ADGRG5: variants seen among roughly 807,000 people sequenced by gnomAD.
ADGRG5 encodes the protein G protein-coupled receptor 114.
A neutral mutation model predicts 53.2 loss-of-function variants in ADGRG5; 37 were observed. The observed-to-expected ratio is 0.70, with a 90% CI of 0.53 to 0.91. The LOEUF (loss-of-function observed/expected upper bound fraction) is 0.91. Ranked by LOEUF, ADGRG5 falls within the 40% of genes least tolerant of loss-of-function variation. The pLI is 0.00. For missense variants in ADGRG5, 614 were observed against 675.8 expected (o/e 0.91, Z 1.01); for synonymous variants, 277 against 290.4 (o/e 0.95, Z 0.47).
At chr16:57,562,910 AGG>A (rs1405276343) in intron 3 of ADGRG5, among the ~76,000 whole-genome samples, 179 bp from the exon 4 acceptor site, 1 of 152,006 alleles carries the variant, frequency 6.6e-6, no homozygotes, top group Non-Finnish European at 1.5e-5. Context: ...AATCAAGAGG[AGG>A]GGATAGATGG....
the ADGRG5 span, among the ~76,000 whole-genome samples, chr16:57,536,245 A>G: frequency 7.0e-6 from 1 of 143,016 alleles, no homozygotes; most frequent in South Asian, 2.5e-4. Context: ...GGCATTCCGG[A>G]GGCGCCTCCC....
At chr16:57,550,565 A>G (rs1304562798) in intron 1 of ADGRG5, among the ~76,000 whole-genome samples, 1 of 152,166 alleles carries the variant, frequency 6.6e-6, no homozygotes, top group African/African-American at 2.4e-5. Context: ...TGTTGTTTCT[A>G]AGAAATCTTT....
At chr16:57,532,920 C>T in the ADGRG5 span, among the ~76,000 whole-genome samples, 2 of 152,226 alleles carry the variant, frequency 1.3e-5, no homozygotes, top group Non-Finnish European at 2.9e-5. Context: ...GCCCTTCTTG[C>T]AGCCGCTGAA....
chr16:57,557,778 A>G (rs755667883), intron 1 of ADGRG5, among the ~76,000 whole-genome samples: 1 of 152,238 alleles, frequency 6.6e-6, no homozygotes, highest in Non-Finnish European at 1.5e-5. Context: ...GGAATTCTTC[A>G]TCACTGATAT....
At chr16:57,536,140 C>T in the ADGRG5 span, among the ~76,000 whole-genome samples, 1 of 152,160 alleles carries the variant, frequency 6.6e-6, no homozygotes, top group Non-Finnish European at 1.5e-5. Flanking sequence ...GCCGCCCGTC[C>T]ATCCCGCATT....
chr16:57,574,803 C>G lies in ADGRG5; in HGVS notation c.1209-12C>G. The G allele has an allele frequency of 1.3e-6, 2 of 1,553,832 alleles. No individual in the cohort carries two copies. Among genetic ancestry groups the G allele is most frequent in the Non-Finnish European group, 1.7e-6 (2 of 1,147,636 alleles). On this transcript the variant is annotated splice_polypyrimidine_tract_variant and intron_variant, in intron 10 of 11. Transcript: ENST00000349457. This position sits in a 1 kb window ranked among gnomAD's most constrained non-coding sequence, Gnocchi z 4.4. ...AGCCACTGTGAGCCTGACACGTCAC[C>G]CTCCCCTGCAGATGCTGGGTGCGGA...
chr16:57,571,157 G>A (rs372869997), intron 10 of ADGRG5, among the ~76,000 whole-genome samples: 1 of 152,174 alleles, frequency 6.6e-6, no homozygotes, highest in African/African-American at 2.4e-5. Context: ...ACCCCCGCGC[G>A]CCCATCACTC....
Position 57,574,900 on chromosome 16 carries a change from G to T in ADGRG5, c.1294G>T (p.Ala432Ser), listed in dbSNP as rs1171956124. 6.2e-7 allele frequency: 1 copy of T among 1,612,624 alleles called. No individual in the cohort carries two copies. Among genetic ancestry groups the T allele is most frequent in the South Asian group, 1.1e-5 (1 of 91,060 alleles). The change falls in exon 11 of 12, where the codon GCC becomes TCC. Residue 432 changes from alanine (A) to serine (S), a missense_variant. By Grantham distance (99) the Ala-to-Ser change is moderately conservative. Transcript: ENST00000349457. This position sits in a 1 kb window ranked among gnomAD's most constrained non-coding sequence, Gnocchi z 4.4. ...GTCCCTCTTCAACCTGGTGGTGCTG[G>T]CCTGGGCGCTGTGGACCCTGCGCAG... ...LTSLFNLVVL[A>S]WALWTLRRLR...
chr16:57,561,606 A>G (rs1474738355), intron 1 of ADGRG5, among the ~76,000 whole-genome samples: 11 of 152,158 alleles, frequency 7.2e-5, no homozygotes, highest in Admixed American at 7.2e-4. Flanking sequence ...TGCTCTATTG[A>G]AGCAGAAGTT....
chr16:57,567,636 A>G (rs748812088), intron 8 of ADGRG5, 45 bp downstream of exon 8: 1 of 1,595,592 alleles, frequency 6.3e-7, no homozygotes, highest in South Asian at 1.1e-5. Flanking sequence ...ACTGTGGCAC[A>G]TCACGCTTCC....
intron 11 of ADGRG5, 140 bp from the exon 12 acceptor site, chr16:57,575,298 C>A: frequency 1.1e-6 from 1 of 927,166 alleles, no homozygotes; most frequent in Non-Finnish European, 1.6e-6. Context: ...CTCTGAGGCT[C>A]TGCCCCTCTG....
chr16:57,548,296 T>C (rs180839523), intron 1 of ADGRG5, among the ~76,000 whole-genome samples: 11 of 152,134 alleles, frequency 7.2e-5, no homozygotes, highest in Admixed American at 6.6e-4. Flanking sequence ...CAAAAAATAG[T>C]ACAGAACGTT....
chr16:57,565,893 C>T (rs539414720), intron 6 of ADGRG5: 11 of 152,494 alleles, frequency 7.2e-5, no homozygotes, highest in African/African-American at 2.4e-4. Context: ...CCCGGAGCCT[C>T]TGCTTTCTGG....
At chr16:57,532,843 G>A in the ADGRG5 span, among the ~76,000 whole-genome samples, 1 of 152,206 alleles carries the variant, frequency 6.6e-6, no homozygotes, top group Non-Finnish European at 1.5e-5. Context: ...GGAGGAGGAG[G>A]AGGCAGGAAA....
chr16:57,557,130 G>A (rs374040840), intron 1 of ADGRG5, among the ~76,000 whole-genome samples: 16 of 152,002 alleles, frequency 1.1e-4, no homozygotes, highest in East Asian at 1.9e-4. Context: ...GGCTGGTTTC[G>A]AACCCCTGGG....
chr16:57,541,411 C>A (rs1188395353), upstream of ADGRG5, among the ~76,000 whole-genome samples: 1 of 152,132 alleles, frequency 6.6e-6, no homozygotes, highest in Non-Finnish European at 1.5e-5. Flanking sequence ...AAAGAAGGGC[C>A]AAGGCTTGCC....
In ADGRG5 at chr16:57,547,745, C is replaced by G. The variant is rs551631531; in HGVS notation, c.-39+5044C>G. ...TACAGGCGTGAGCCACTGCGCCCAG[C>G]CTGTTTTTTGTTTTTTGTTTTTGGA... is the stretch of plus-strand genomic sequence containing the variant. On this transcript the variant is annotated intron_variant, in intron 1 of 11. Transcript: ENST00000349457. Among the ~76,000 whole-genome samples the G allele has an allele frequency of 6.3e-5, 9 of 142,278 alleles. No homozygotes were observed. In the South Asian group the frequency reaches 2.0e-3, roughly 31 times the overall value. 93.3% of individuals were successfully genotyped at this position (142,278 alleles called of 152,430 possible).
rs894683951 is a variant in ADGRG5, at chr16:57,576,686, G to A, written c.*1148G>A. 2.6e-5 allele frequency: 4 copies of A among 152,198 alleles called. No homozygotes were observed. Among genetic ancestry groups the A allele is most frequent in the Non-Finnish European group, 4.4e-5 (3 of 68,046 alleles). 9.4% of individuals were successfully genotyped at this position (152,198 alleles called of 1,614,324 possible). ...AACTGCAGGACTGCGCCTACTGAGTGACCCATTTCCTCCAGGAGGAAAGGC... is the reference window on the plus strand; with the variant it reads ...AACTGCAGGACTGCGCCTACTGAGTAACCCATTTCCTCCAGGAGGAAAGGC... On this transcript the variant is annotated 3_prime_UTR_variant, in exon 12 of 12. Coordinates refer to ENST00000349457, the MANE Select transcript of ADGRG5 (RefSeq NM_001304376.3).
intron 1 of ADGRG5, among the ~76,000 whole-genome samples, chr16:57,552,488 C>G (rs1423456236): frequency 1.3e-5 from 2 of 152,172 alleles, no homozygotes; most frequent in Admixed American, 6.5e-5. Flanking sequence ...TTCCTGAAAC[C>G]TCATGAACCA....
Sources: allele counts gnomAD v4.1 joint callset (sites outside exome capture counted in the v4.1 genomes callset), GRCh38; gene constraint gnomAD v4.1.1; non-coding constraint Gnocchi (gnomAD v3.1); transcripts MANE v1.5; gene names NCBI Gene and HGNC (gene_info 2026-07-23, HGNC 2026-07-21).